The following NCOR2 variants were observed in gnomAD, a reference collection of about 807,000 sequenced individuals.
The protein encoded by NCOR2 is nuclear receptor corepressor 2, also known as CTG repeat protein 26.
NCOR2 carries 81 observed loss-of-function variants against 262.9 expected under a neutral mutation model. The observed-to-expected ratio is 0.31, with a 90% CI of 0.26 to 0.37. NCOR2 has a LOEUF of 0.37. NCOR2 is among the 10% of genes least tolerant of loss of function. The pLI is 1.00. For missense variants in NCOR2, 3,385 were observed against 3,621.4 expected, an observed-to-expected ratio of 0.93 and a Z score of 1.68; for synonymous variants, 1,659 against 1,559.3, an observed-to-expected ratio of 1.06 and a Z score of -1.51.
intron 41 of NCOR2, among the ~76,000 whole-genome samples, chr12:124,334,080 CTACT>C (rs1359928953): frequency 1.3e-5 from 2 of 149,290 alleles, no homozygotes; most frequent in East Asian, 2.0e-4. Flanking sequence ...CCTCTGTCAC[CTACT>C]GACTGTGCCC....
intron 13 of NCOR2, among the ~76,000 whole-genome samples, chr12:124,408,537 C>T (rs537560722): frequency 4.6e-5 from 7 of 152,034 alleles, no homozygotes; most frequent in South Asian, 4.2e-4. Context: ...GTCTAGGGCT[C>T]GGAGTTCAGA....
chr12:124,380,485 CG>C (rs1354519962), intron 17 of NCOR2, among the ~76,000 whole-genome samples: 1 of 152,200 alleles, frequency 6.6e-6, no homozygotes, highest in Non-Finnish European at 1.5e-5. Context: ...ACCCCGCACA[CG>C]TCCTGGGCCC....
At position 124,483,035 on chromosome 12, in the gene NCOR2, A is replaced by G. The variant is rs964984220; in HGVS notation, c.411+561T>C. 3.3e-5 allele frequency among the ~76,000 whole-genome samples: 5 copies of G among 152,002 alleles called. No individual in the cohort carries two copies. Among genetic ancestry groups the G allele is most frequent in the African/African-American group, 1.2e-4 (5 of 41,372 alleles). ...CCTCCCTGACCCTTAAGAATCCAGA[A>G]GCCTCAGGTGCCTGGCAGAGCCCTG... On this transcript the variant is annotated intron_variant, in intron 3 of 46. Transcript: ENST00000405201. The surrounding 1 kb of genome is among the most constrained non-coding windows in gnomAD (Gnocchi z 6.3).
intron 7 of NCOR2, among the ~76,000 whole-genome samples, chr12:124,439,234 G>A (rs2044643467): frequency 6.6e-6 from 1 of 151,594 alleles, no homozygotes; most frequent in African/African-American, 2.4e-5. Flanking sequence ...CAGAGACAGA[G>A]GGAGACAGAG....
intron 13 of NCOR2, among the ~76,000 whole-genome samples, chr12:124,418,060 CAA>C (rs56362015): frequency 5.8e-5 from 5 of 86,880 alleles, no homozygotes; most frequent in Non-Finnish European, 7.3e-5. Flanking sequence ...AACTCCATCT[CAA>C]AAAAAAAAAA....
chr12:124,479,978 C>T (rs1187320219), intron 3 of NCOR2, among the ~76,000 whole-genome samples: 1 of 152,252 alleles, frequency 6.6e-6, no homozygotes, highest in Non-Finnish European at 1.5e-5. Context: ...CATGACTTGG[C>T]ACGTGGCAGG....
Position 124,481,991 on chromosome 12 carries a change from G to A in NCOR2, c.411+1605C>T, listed in dbSNP as rs182220724. ...TGGAATTGAGATATTTTAGGGCAGAGGTGTCAGGATTTGCTGATGGACTGG... is the reference window on the plus strand; with the variant it reads ...TGGAATTGAGATATTTTAGGGCAGAAGTGTCAGGATTTGCTGATGGACTGG... On this transcript the variant is annotated intron_variant, in intron 3 of 46. Coordinates refer to ENST00000405201, the Ensembl canonical transcript of NCOR2. This position sits in a 1 kb window ranked among gnomAD's most constrained non-coding sequence, Gnocchi z 4.6. Among the ~76,000 whole-genome samples the A allele has an allele frequency of 6.6e-6, 1 of 152,130 alleles. No individual in the cohort carries two copies. The highest frequency in any genetic ancestry group is 1.9e-4 in the East Asian group (1 of 5,184).
At position 124,483,901 on chromosome 12, in the gene NCOR2, C is replaced by T; in HGVS notation, c.234-128G>A. The T allele has an allele frequency of 8.9e-7, 1 of 1,126,304 alleles. No homozygotes were observed. The highest frequency in any genetic ancestry group is 1.9e-5 in the South Asian group (1 of 53,756). The allele number at this position is 1,126,304 out of a possible 1,614,324, so 69.8% of individuals were successfully genotyped here. A position where few individuals can be genotyped will look rare whatever the true frequency, so the allele number is the denominator to read the frequency against. On this transcript the variant is annotated intron_variant, in intron 2 of 46. Transcript: ENST00000405201. This position sits in a 1 kb window ranked among gnomAD's most constrained non-coding sequence, Gnocchi z 6.3. ...TCTGTATGATCCTGCCAGGAAGGTGCTCACAGGAGCCCACCTCCCACGGTC... is the reference window on the plus strand; with the variant it reads ...TCTGTATGATCCTGCCAGGAAGGTGTTCACAGGAGCCCACCTCCCACGGTC...
At chr12:124,477,569 G>A (rs1451332101) in intron 3 of NCOR2, among the ~76,000 whole-genome samples, 2 of 152,158 alleles carry the variant, frequency 1.3e-5, no homozygotes, top group Admixed American at 1.3e-4. Flanking sequence ...GCACAACATT[G>A]TAAATGTCCT....
At chr12:124,497,385 G>C (rs2048433244), upstream of NCOR2, among the ~76,000 whole-genome samples, 1 of 152,214 alleles carries the variant, frequency 6.6e-6, no homozygotes, top group South Asian at 2.1e-4. This position sits in a 1 kb window ranked among gnomAD's most constrained non-coding sequence, Gnocchi z 4.2. Context: ...CCTTGGGCAA[G>C]TCACTTGCCC....
At chr12:124,545,923 C>T (rs924781585) in intron 1 of NCOR2, among the ~76,000 whole-genome samples, 3 of 152,166 alleles carry the variant, frequency 2.0e-5, no homozygotes, top group Non-Finnish European at 2.9e-5. Context: ...TCAGAGTCTC[C>T]GTGTCACCCA....
exon 47 of NCOR2, chr12:124,325,380 C>CCCGCG: frequency 3.1e-6 from 1 of 327,318 alleles, no homozygotes; most frequent in Non-Finnish European, 4.7e-6. Flanking sequence ...TGACACCGCC[C>CCCGCG]CCCCCCCCGC....
At chr12:124,338,950 C>T (rs1436911200) in intron 37 of NCOR2, among the ~76,000 whole-genome samples, 6 of 140,248 alleles carry the variant, frequency 4.3e-5, no homozygotes, top group Admixed American at 2.8e-4. Flanking sequence ...TATACTCTCA[C>T]CCACCCACCT....
At chr12:124,452,690 C>A (rs547181805) in intron 6 of NCOR2, among the ~76,000 whole-genome samples, 2 of 152,350 alleles carry the variant, frequency 1.3e-5, no homozygotes, top group East Asian at 1.9e-4. Flanking sequence ...CGGCACAGGG[C>A]GGGTGCAGAA....
chr12:124,388,924 A>AGGCT lies in NCOR2; in HGVS notation c.1877-3041_1877-3038dup, dbSNP rs2041052997. 3.3e-5 allele frequency: 10 copies of AGGCT among 301,102 alleles called. No homozygotes were observed. In the South Asian group the frequency reaches 4.1e-4, roughly 12 times the overall value. 18.7% of individuals were successfully genotyped at this position (301,102 alleles called of 1,614,324 possible). ...AGGGAGGGAGGGACGCGGCGGGCGG[A>AGGCT]GGCTGGCTCGAGAGGGGCGGGCGGG... On this transcript the variant is annotated intron_variant, in intron 16 of 46. Transcript: ENST00000405201.
intron 7 of NCOR2, among the ~76,000 whole-genome samples, 165 bp downstream of exon 9, chr12:124,449,650 G>A (rs1455911138): frequency 7.5e-6 from 1 of 133,530 alleles, no homozygotes; most frequent in South Asian, 2.7e-4. Flanking sequence ...CCCCACCCCA[G>A]GTGCCACCTA....
At chr12:124,506,958 C>T (rs151079609) in intron 1 of NCOR2, among the ~76,000 whole-genome samples, 1 of 152,302 alleles carries the variant, frequency 6.6e-6, no homozygotes, top group African/African-American at 2.4e-5. Flanking sequence ...GCGGTGGGAC[C>T]TGGGGTTTCT....
chr12:124,476,906 A>C (rs1405248108), intron 3 of NCOR2, among the ~76,000 whole-genome samples: 1 of 36,128 alleles, frequency 2.8e-5, no homozygotes, highest in Non-Finnish European at 8.8e-5. Flanking sequence ...CTTTATTAAA[A>C]AAAAAAAAAA....
At chr12:124,371,511 C>T (rs1385172171) in intron 20 of NCOR2, among the ~76,000 whole-genome samples, 1 of 152,226 alleles carries the variant, frequency 6.6e-6, no homozygotes, top group African/African-American at 2.4e-5. Flanking sequence ...CAGAGATGCA[C>T]AGGGCGAAGG....
Sources: gnomAD v4.1 joint callset for allele counts (sites outside exome capture counted in the v4.1 genomes callset) on GRCh38, gnomAD v4.1.1 for gene constraint, Gnocchi (gnomAD v3.1) non-coding constraint, MANE v1.5 for transcripts, NCBI Gene and HGNC (gene_info 2026-07-23, HGNC 2026-07-21) for gene names.